Variants in CELF2 observed in about 807,000 individuals in gnomAD.
CELF2 encodes CUGBP Elav-like family member 2.
A neutral mutation model predicts 62.6 loss-of-function variants in CELF2; 8 were observed. The observed-to-expected ratio is 0.13, with a 90% CI of 0.07 to 0.23. CELF2 has a LOEUF of 0.23. Ranked by LOEUF, CELF2 falls within the 10% of genes least tolerant of loss-of-function variation. The probability of loss-of-function intolerance (pLI) is 1.00; values close to 1 mark genes in which losing one functional copy is unlikely to be tolerated. For missense variants in CELF2, 333 were observed against 671.0 expected (o/e 0.50, Z 5.56); for synonymous variants, 258 against 250.0 (o/e 1.03, Z -0.30).
intron 2 of CELF2, among the ~76,000 whole-genome samples, chr10:11,168,388 T>C (rs750560390): frequency 1.3e-5 from 2 of 152,220 alleles, no homozygotes; most frequent in Non-Finnish European, 2.9e-5. Flanking sequence ...TTGAGCTGTA[T>C]AATGACATTG....
chr10:10,736,437 T>G, the CELF2 span, among the ~76,000 whole-genome samples: 1 of 150,058 alleles, frequency 6.7e-6, no homozygotes, highest in Non-Finnish European at 1.5e-5. Context: ...GTTTGTATAC[T>G]TGATTACAGA....
At chr10:11,209,701 C>A (rs2061331987) in intron 2 of CELF2, among the ~76,000 whole-genome samples, 1 of 151,318 alleles carries the variant, frequency 6.6e-6, no homozygotes, top group Non-Finnish European at 1.5e-5. Context: ...GGGCCAAAGC[C>A]AGTGACTGAG....
chr10:10,516,510 G>A, the CELF2 span, among the ~76,000 whole-genome samples: 2 of 152,208 alleles, frequency 1.3e-5, no homozygotes, highest in East Asian at 1.9e-4. Flanking sequence ...GTAAGGGTGA[G>A]GGTAGCAGCA....
At chr10:10,920,262 A>T (rs546862302) in intron 2 of CELF2, among the ~76,000 whole-genome samples, 24 of 152,350 alleles carry the variant, frequency 1.6e-4, no homozygotes, top group African/African-American at 4.6e-4. Flanking sequence ...TTGGAGATGT[A>T]TATATGAGCT....
chr10:11,166,891 G>T (rs1307445666), intron 2 of CELF2, among the ~76,000 whole-genome samples: 1 of 152,268 alleles, frequency 6.6e-6, no homozygotes, highest in Non-Finnish European at 1.5e-5. Flanking sequence ...GTTGTTGCCA[G>T]GGTCTGGCAG....
chr10:10,758,091 A>T, the CELF2 span, among the ~76,000 whole-genome samples: 1 of 152,334 alleles, frequency 6.6e-6, no homozygotes, highest in East Asian at 1.9e-4. Context: ...GGCATCCTGA[A>T]ATAAGTTGAA....
chr10:10,756,360 A>G, the CELF2 span, among the ~76,000 whole-genome samples: 311 of 152,328 alleles, frequency 2.0e-3, no homozygotes, highest in Non-Finnish European at 3.4e-3. Flanking sequence ...TTTTGCATCA[A>G]CCTAATAAAT....
At chr10:10,921,487 C>T (rs535141745) in intron 2 of CELF2, among the ~76,000 whole-genome samples, 237 of 152,148 alleles carry the variant, frequency 1.6e-3, no homozygotes, top group African/African-American at 5.4e-3. Context: ...CAGCTGGTCT[C>T]GAACTCCTGA....
rs1220373730 is a variant in CELF2 at position 11,244,176 on chromosome 10, T to C, written c.355-4977T>C. 1.3e-5 allele frequency among the ~76,000 whole-genome samples: 2 copies of C among 152,230 alleles called. No homozygotes were observed. Among genetic ancestry groups the C allele is most frequent in the African/African-American group, 4.8e-5 (2 of 41,464 alleles). ...ACCCCACTCATTTCATCATTAGCTC[T>C]TGAGAAGGGTGCTCAGGGTGTGGCC... On this transcript the variant is annotated intron_variant, in intron 3 of 12. Transcript: ENST00000633077. This position sits in a 1 kb window ranked among gnomAD's most constrained non-coding sequence, Gnocchi z 4.2.
chr10:10,651,345 A>G, the CELF2 span, among the ~76,000 whole-genome samples: 2 of 149,052 alleles, frequency 1.3e-5, no homozygotes, highest in Non-Finnish European at 3.0e-5. Context: ...GCAGCGGGGA[A>G]GCTCGAACTG....
rs956562258 is a variant in CELF2 at position 10,936,945 on chromosome 10, C to A, written c.89+16946C>A. On this transcript the variant is annotated intron_variant, in intron 2 of 13. Transcript: ENST00000636488. The surrounding 1 kb of genome is among the most constrained non-coding windows in gnomAD (Gnocchi z 4.0). ...CTCAGACCATCCTTTGAGGAGCAAA[C>A]GACTACAGAGCCACCAGTCCCATCT... is the stretch of plus-strand genomic sequence containing the variant. Among the ~76,000 whole-genome samples, 1 of 152,044 alleles carries A rather than the reference C, an allele frequency of 6.6e-6. No individual in the cohort carries two copies. The highest frequency in any genetic ancestry group is 1.5e-5 in the Non-Finnish European group (1 of 68,002).
At chr10:10,486,265 C>T in the CELF2 span, among the ~76,000 whole-genome samples, 4 of 152,134 alleles carry the variant, frequency 2.6e-5, no homozygotes, top group African/African-American at 7.2e-5. Flanking sequence ...CCAACCTTTT[C>T]CTTTTCTCAC....
intron 3 of CELF2, among the ~76,000 whole-genome samples, chr10:11,226,605 C>CAA (rs199586600): frequency 0.32 from 1,921 of 6,060 alleles, 113 homozygotes; most frequent in Admixed American, 0.53. Flanking sequence ...AGTGGCCACA[C>CAA]ACACACACAC....
intron 3 of CELF2, among the ~76,000 whole-genome samples, chr10:11,222,626 A>G (rs2065203490): frequency 2.0e-5 from 3 of 152,244 alleles, no homozygotes; most frequent in Non-Finnish European, 4.4e-5. Flanking sequence ...GGAATACTGT[A>G]GTAGCAGCCA....
intron 3 of CELF2, among the ~76,000 whole-genome samples, chr10:11,230,219 G>T (rs760423496): frequency 3.3e-5 from 5 of 152,238 alleles, no homozygotes; most frequent in Non-Finnish European, 7.3e-5. Flanking sequence ...TGAGGTGACA[G>T]ATACGTTAAC....
upstream of CELF2, among the ~76,000 whole-genome samples, chr10:10,797,479 T>C (rs2054214129): frequency 6.6e-6 from 1 of 152,212 alleles, no homozygotes; most frequent in Admixed American, 6.5e-5. Flanking sequence ...AGTTATTCCC[T>C]GCATTTGCCT....
At chr10:11,054,560 A>T (rs2064790110) in intron 1 of CELF2, among the ~76,000 whole-genome samples, 1 of 151,780 alleles carries the variant, frequency 6.6e-6, no homozygotes, top group Non-Finnish European at 1.5e-5. Context: ...CAATTTATGA[A>T]GAATTGACCT....
chr10:10,945,014 G>A (rs149114974), intron 2 of CELF2, among the ~76,000 whole-genome samples: 2 of 152,280 alleles, frequency 1.3e-5, no homozygotes, highest in East Asian at 1.9e-4. Context: ...GGGATCCAGG[G>A]CACAGACAGG....
intron 1 of CELF2, among the ~76,000 whole-genome samples, chr10:11,034,436 G>A (rs765378822): frequency 6.6e-5 from 10 of 152,028 alleles, no homozygotes; most frequent in Non-Finnish European, 1.3e-4. Flanking sequence ...TAAGAACACT[G>A]GAAGAAACTG....
Sources: gnomAD v4.1 joint callset for allele counts (sites outside exome capture counted in the v4.1 genomes callset) on GRCh38, gnomAD v4.1.1 for gene constraint, Gnocchi (gnomAD v3.1) non-coding constraint, MANE v1.5 for transcripts, NCBI Gene and HGNC (gene_info 2026-07-23, HGNC 2026-07-21) for gene names.